Variants in DNAJC1 observed in about 807,000 individuals in gnomAD.
The protein encoded by DNAJC1 is DnaJ heat shock protein family (Hsp40) member C1, also known as dnaJ homolog subfamily C member 1.
In DNAJC1, 58 loss-of-function variants were observed where a neutral mutation model predicts 76.6. The ratio of observed to expected loss-of-function variants is 0.76; its 90% CI spans 0.61 to 0.94. The LOEUF is 0.94. Among genes scored for constraint, DNAJC1 ranks in the 40% least tolerant of loss-of-function variants. The probability of loss-of-function intolerance (pLI) is 0.00; values close to 1 mark genes in which losing one functional copy is unlikely to be tolerated. For synonymous variants in DNAJC1, 258 were observed against 267.9 expected (o/e 0.96, Z 0.36); for missense variants, 689 against 677.3 (o/e 1.02, Z -0.19).
intron 6 of DNAJC1, among the ~76,000 whole-genome samples, chr10:21,909,302 G>T (rs932046426): frequency 6.6e-6 from 1 of 152,188 alleles, no homozygotes; most frequent in South Asian, 2.1e-4. Context: ...TTCTTTGTAC[G>T]TAATTATAGA....
At chr10:21,999,451 CTTT>C (rs140026558) in intron 1 of DNAJC1, among the ~76,000 whole-genome samples, 6 of 94,028 alleles carry the variant, frequency 6.4e-5, no homozygotes, top group South Asian at 4.0e-4. Context: ...CTTCTTGACT[CTTT>C]TTTTTTTTTT....
At chr10:21,831,662 C>T (rs1179281958) in intron 8 of DNAJC1, among the ~76,000 whole-genome samples, 4 of 151,892 alleles carry the variant, frequency 2.6e-5, no homozygotes, top group Admixed American at 1.3e-4. Flanking sequence ...TGGTGGCAGG[C>T]GCCTGTAGTC....
Position 21,806,113 on chromosome 10 carries a change from A to T in DNAJC1, c.979-14T>A, listed in dbSNP as rs1200231270. On this transcript the variant is annotated splice_polypyrimidine_tract_variant and intron_variant, in intron 8 of 11. Coordinates refer to ENST00000376980, the MANE Select transcript of DNAJC1 (RefSeq NM_022365.4). ...CCATTCAGGTGCCTGCAAAACATTAAAGAAAATAAAAAAAGATAATTGGGA... is the reference window on the plus strand; with the variant it reads ...CCATTCAGGTGCCTGCAAAACATTATAGAAAATAAAAAAAGATAATTGGGA... 1 of 1,590,918 alleles carries T rather than the reference A, an allele frequency of 6.3e-7. No homozygotes were observed. Among genetic ancestry groups the T allele is most frequent in the Non-Finnish European group, 8.6e-7 (1 of 1,169,296 alleles).
intron 9 of DNAJC1, among the ~76,000 whole-genome samples, chr10:21,776,764 C>T (rs993500932): frequency 2.6e-5 from 4 of 152,054 alleles, no homozygotes; most frequent in African/African-American, 9.7e-5. Flanking sequence ...CTTTTAAAAG[C>T]GAAGGTCTTT....
chr10:21,898,106 A>G (rs1001889747), intron 7 of DNAJC1, among the ~76,000 whole-genome samples: 1 of 152,202 alleles, frequency 6.6e-6, no homozygotes, highest in Non-Finnish European at 1.5e-5. Flanking sequence ...AAAATCCAAC[A>G]CCATTTATAA....
intron 6 of DNAJC1, among the ~76,000 whole-genome samples, chr10:21,908,488 A>C (rs1268763467): frequency 2.1e-5 from 1 of 48,338 alleles, no homozygotes; most frequent in Non-Finnish European, 3.5e-5. Flanking sequence ...CCCATTTTTC[A>C]TGGGGGGGGG....
rs539650440 is a variant in DNAJC1 at position 21,910,049 on chromosome 10, A to G, written c.730-5437T>C. 2.2e-4 allele frequency among the ~76,000 whole-genome samples: 34 copies of G among 152,338 alleles called. No homozygotes were observed. In the South Asian group the frequency reaches 5.0e-3, roughly 22 times the overall value. On this transcript the variant is annotated intron_variant, in intron 6 of 11. Transcript: ENST00000376980. ...GCTTCATAATGATGATAATTTAGTT[A>G]AGCCTGAAGATACAATATTTCCAAG...
intron 10 of DNAJC1, among the ~76,000 whole-genome samples, chr10:21,761,287 G>A (rs558625395): frequency 1.3e-5 from 2 of 151,962 alleles, no homozygotes; most frequent in East Asian, 2.0e-4. Flanking sequence ...AGCTGTACAC[G>A]GTGGCTCACG....
chr10:21,822,646 T>C (rs1038871148), intron 8 of DNAJC1, among the ~76,000 whole-genome samples: 2 of 152,144 alleles, frequency 1.3e-5, no homozygotes, highest in East Asian at 1.9e-4. Flanking sequence ...TGTCAGTTTT[T>C]TGGGTTAGAA....
intron 8 of DNAJC1, among the ~76,000 whole-genome samples, chr10:21,830,139 T>C (rs1270556242): frequency 6.6e-6 from 1 of 152,212 alleles, no homozygotes; most frequent in Non-Finnish European, 1.5e-5. Context: ...ATTATTACAA[T>C]ACTTGCTTTT....
intron 8 of DNAJC1, among the ~76,000 whole-genome samples, chr10:21,843,854 C>T (rs1158799979): frequency 2.0e-5 from 3 of 151,736 alleles, no homozygotes; most frequent in Admixed American, 2.0e-4. Context: ...ATTCTTGTGC[C>T]TCAGTGATAT....
chr10:21,928,505 C>A lies in DNAJC1; in HGVS notation c.371+1G>T. On this transcript the variant is annotated splice_donor_variant, in intron 3 of 11. Coordinates refer to ENST00000376980, the MANE Select transcript of DNAJC1 (RefSeq NM_022365.4). LOFTEE classifies it high-confidence loss of function. The stretch of plus-strand genomic sequence containing the variant: ...ATTCAAAAGCAGAAATGAACACTCA[C>A]CTCTGCCTTCGTTCATCATCCTTTA... 1 of 1,612,272 alleles carries A rather than the reference C, an allele frequency of 6.2e-7. No individual in the cohort carries two copies. The highest frequency in any genetic ancestry group is 8.5e-7 in the Non-Finnish European group (1 of 1,178,686).
intron 1 of DNAJC1, among the ~76,000 whole-genome samples, chr10:21,970,578 T>C (rs1429532121): frequency 6.6e-6 from 1 of 152,006 alleles, no homozygotes; most frequent in Non-Finnish European, 1.5e-5. Flanking sequence ...CCTTCTATAA[T>C]GAATGTTTTC....
intron 9 of DNAJC1, among the ~76,000 whole-genome samples, chr10:21,777,575 C>T (rs1196892391): frequency 2.6e-5 from 4 of 152,158 alleles, no homozygotes; most frequent in African/African-American, 9.7e-5. Flanking sequence ...TAGCCCAGCA[C>T]CTCAGGAAAC....
rs1440962646 is a variant in DNAJC1 at position 21,915,920 on chromosome 10, A to T, written c.729+2859T>A. ...CTACTTGGAAGGCTGAGGTGGGGGG[A>T]TCACTTGAGCCCAGGAGTATGAGGC... is the stretch of plus-strand genomic sequence containing the variant. On this transcript the variant is annotated intron_variant, in intron 6 of 11. Coordinates refer to ENST00000376980, the MANE Select transcript of DNAJC1 (RefSeq NM_022365.4). 2.0e-5 allele frequency among the ~76,000 whole-genome samples: 3 copies of T among 150,196 alleles called. No individual in the cohort carries two copies. In the Admixed American group the frequency reaches 2.0e-4, roughly 10 times the overall value.
At chr10:21,840,950 A>G (rs937538125) in intron 8 of DNAJC1, among the ~76,000 whole-genome samples, 7 of 152,196 alleles carry the variant, frequency 4.6e-5, no homozygotes, top group South Asian at 2.1e-4. Context: ...ATAATGCCGC[A>G]TATCTACAAC....
intron 8 of DNAJC1, among the ~76,000 whole-genome samples, chr10:21,824,444 T>C (rs1185747412): frequency 6.6e-6 from 1 of 152,196 alleles, no homozygotes; most frequent in African/African-American, 2.4e-5. Flanking sequence ...CAGGAAAAGT[T>C]TGGCAACACA....
intron 1 of DNAJC1, among the ~76,000 whole-genome samples, chr10:21,975,371 A>G (rs567170801): frequency 6.6e-6 from 1 of 152,286 alleles, no homozygotes; most frequent in East Asian, 1.9e-4. Flanking sequence ...GACCAAAATC[A>G]CAGACTAAGG....
In DNAJC1 at chr10:21,999,451, C is replaced by CTTTTTTT. The variant is rs140026558; in HGVS notation, c.222+3755_222+3761dup. On this transcript the variant is annotated intron_variant, in intron 1 of 11. Transcript: ENST00000376980. ...TTGATTCCCCTCCATCTTCTTGACT[C>CTTTTTTT]TTTTTTTTTTTTTTTTTTTTTTGAG... 2.1e-4 allele frequency among the ~76,000 whole-genome samples: 20 copies of CTTTTTTT among 94,028 alleles called. 2 individuals carry two copies. Among genetic ancestry groups the CTTTTTTT allele is most frequent in the East Asian group, 3.3e-4 (1 of 3,068 alleles). 61.7% of individuals were successfully genotyped at this position (94,028 alleles called of 152,430 possible).
Sources: gnomAD v4.1 joint callset for allele counts (sites outside exome capture counted in the v4.1 genomes callset) on GRCh38, gnomAD v4.1.1 for gene constraint, MANE v1.5 for transcripts, NCBI Gene and HGNC (gene_info 2026-07-23, HGNC 2026-07-21) for gene names.